XYLT1: variants seen among roughly 807,000 people sequenced by gnomAD.
The protein encoded by XYLT1 is beta-D-xylosyltransferase 1.
A neutral mutation model predicts 91.3 loss-of-function variants in XYLT1; 36 were observed. The observed-to-expected ratio is 0.39, with a 90% CI of 0.30 to 0.52. The LOEUF (loss-of-function observed/expected upper bound fraction) is 0.52. Among genes scored for constraint, XYLT1 ranks in the 20% least tolerant of loss-of-function variants. XYLT1 has a pLI of 0.68. For missense variants in XYLT1, 1,242 were observed against 1,284.5 expected (o/e 0.97, Z 0.51); for synonymous variants, 588 against 532.0 (o/e 1.11, Z -1.45).
rs558746370 is a variant in XYLT1, at chr16:17,243,799, G to A, written c.913+15189C>T. ...CAAAGGGTCATCAAGGGCTGAGAAA[G>A]TCAGAGGGGTGAGGGGGAGGCTTTT... On this transcript the variant is annotated intron_variant, in intron 3 of 11. Coordinates refer to ENST00000261381, the MANE Select transcript of XYLT1 (RefSeq NM_022166.4). Among the ~76,000 whole-genome samples, 8 of 152,274 alleles carry A rather than the reference G, an allele frequency of 5.3e-5. No homozygotes were observed. The South Asian group carries it at 1.0e-3, about 20-fold the overall frequency.
At chr16:17,298,603 C>A (rs940560660) in intron 2 of XYLT1, among the ~76,000 whole-genome samples, 2 of 152,102 alleles carry the variant, frequency 1.3e-5, no homozygotes, top group East Asian at 1.9e-4. Flanking sequence ...TGCTGCTGTG[C>A]GAGATTGAGT....
chr16:17,186,568 G>A (rs1449650484), intron 5 of XYLT1, among the ~76,000 whole-genome samples: 1 of 150,622 alleles, frequency 6.6e-6, no homozygotes, highest in East Asian at 1.9e-4. Flanking sequence ...GCCTCTCAAA[G>A]TGCTGGGATA....
rs1181154446 is a variant in XYLT1, at chr16:17,110,583, A to G, written c.2558-1566T>C. Among the ~76,000 whole-genome samples, 5 of 152,302 alleles carry G rather than the reference A, an allele frequency of 3.3e-5. No individual in the cohort carries two copies. The South Asian group carries it at 8.3e-4, about 25-fold the overall frequency. On this transcript the variant is annotated intron_variant, in intron 11 of 11. Transcript: ENST00000261381. ...AGTCCATTAAACTTCTTACTTTTAT[A>G]AATTACCCAGCCTCAGGTCATTATT...
intron 5 of XYLT1, among the ~76,000 whole-genome samples, chr16:17,190,579 A>C (rs1187693487): frequency 1.3e-5 from 2 of 152,018 alleles, no homozygotes; most frequent in African/African-American, 4.8e-5. Context: ...TTTGCCAAGG[A>C]TGATGGTTTC....
At chr16:17,379,660 A>T (rs67248256) in intron 1 of XYLT1, among the ~76,000 whole-genome samples, 44,421 of 151,308 alleles carry the variant, frequency 0.29, 7,059 homozygotes, top group Non-Finnish European at 0.37. Context: ...TCTGGGCCTC[A>T]TGTTATCCTA....
intron 2 of XYLT1, 74 bp from the exon 3 acceptor site, chr16:17,259,572 G>A: frequency 6.5e-7 from 1 of 1,539,156 alleles, no homozygotes; most frequent in Non-Finnish European, 8.8e-7. Context: ...CCTTTGAAGA[G>A]TGAGTCATAC....
chr16:17,205,123 C>G (rs1213220394), intron 3 of XYLT1, among the ~76,000 whole-genome samples: 8 of 152,140 alleles, frequency 5.3e-5, no homozygotes, highest in Admixed American at 2.0e-4. Context: ...GAGAGAATAT[C>G]AAGTATATTT....
intron 5 of XYLT1, among the ~76,000 whole-genome samples, chr16:17,168,901 T>C (rs1228644248): frequency 2.0e-5 from 3 of 152,176 alleles, no homozygotes; most frequent in Admixed American, 6.5e-5. Flanking sequence ...GACAATGTCC[T>C]TACCCCTTGG....
At chr16:17,262,230 C>A (rs1281459809) in intron 2 of XYLT1, among the ~76,000 whole-genome samples, 1 of 152,184 alleles carries the variant, frequency 6.6e-6, no homozygotes, top group Non-Finnish European at 1.5e-5. Flanking sequence ...AGGTGCCATG[C>A]TAAGCCCTTG....
At chr16:17,125,536 A>G (rs978729329) in intron 10 of XYLT1, among the ~76,000 whole-genome samples, 3 of 151,780 alleles carry the variant, frequency 2.0e-5, no homozygotes, top group African/African-American at 7.3e-5. Context: ...GGGCCTTTGT[A>G]TATGCTCTTC....
At chr16:17,346,967 ACT>A (rs1276578896) in intron 2 of XYLT1, among the ~76,000 whole-genome samples, 2 of 151,940 alleles carry the variant, frequency 1.3e-5, no homozygotes, top group African/African-American at 4.8e-5. Context: ...TTAATAAGAT[ACT>A]CTTTTTCAGA....
At chr16:17,228,840 C>A (rs2141719238) in intron 3 of XYLT1, among the ~76,000 whole-genome samples, 1 of 152,272 alleles carries the variant, frequency 6.6e-6, no homozygotes, top group East Asian at 1.9e-4. Flanking sequence ...CCCAAAACAC[C>A]CTTGGGCAGA....
chr16:17,462,327 C>A (rs1319162340), intron 1 of XYLT1, among the ~76,000 whole-genome samples: 2 of 152,178 alleles, frequency 1.3e-5, no homozygotes, highest in African/African-American at 4.8e-5. Flanking sequence ...ACCCCTTCCT[C>A]ATCTGGCAGG....
At chr16:17,322,831 A>G (rs567062957) in intron 2 of XYLT1, among the ~76,000 whole-genome samples, 1 of 152,184 alleles carries the variant, frequency 6.6e-6, no homozygotes, top group African/African-American at 2.4e-5. Flanking sequence ...CTCCTCCTAT[A>G]GACTATAGAC....
intron 10 of XYLT1, among the ~76,000 whole-genome samples, chr16:17,123,144 T>C (rs2141490820): frequency 6.6e-6 from 1 of 152,322 alleles, no homozygotes; most frequent in Non-Finnish European, 1.5e-5. Context: ...GGAATTGCAT[T>C]GAATTTGTAG....
At chr16:17,414,567 G>T (rs541042746) in intron 1 of XYLT1, among the ~76,000 whole-genome samples, 1 of 152,138 alleles carries the variant, frequency 6.6e-6, no homozygotes, top group Non-Finnish European at 1.5e-5. Flanking sequence ...CCTTGTAAGC[G>T]CCTTGCTTTC....
chr16:17,295,071 G>A (rs1178665852), intron 2 of XYLT1, among the ~76,000 whole-genome samples: 1 of 152,158 alleles, frequency 6.6e-6, no homozygotes, highest in African/African-American at 2.4e-5. Flanking sequence ...TTAATAAGGT[G>A]GTCAAGGCAG....
At chr16:17,201,617 G>GGT (rs1257312464) in intron 3 of XYLT1, among the ~76,000 whole-genome samples, 3 of 151,972 alleles carry the variant, frequency 2.0e-5, no homozygotes, top group Admixed American at 6.6e-5. Flanking sequence ...TGAGATTACA[G>GGT]GCACGCAACA....
At chr16:17,287,074 T>C (rs995169583) in intron 2 of XYLT1, among the ~76,000 whole-genome samples, 3 of 152,102 alleles carry the variant, frequency 2.0e-5, no homozygotes, top group African/African-American at 7.2e-5. Flanking sequence ...GACCAGAGTG[T>C]AGGTGAATTT....
Sources: gnomAD v4.1 joint callset for allele counts (sites outside exome capture counted in the v4.1 genomes callset) on GRCh38, gnomAD v4.1.1 for gene constraint, MANE v1.5 for transcripts, NCBI Gene and HGNC (gene_info 2026-07-23, HGNC 2026-07-21) for gene names.